ZNF407: variants seen among roughly 807,000 people sequenced by gnomAD.
ZNF407 encodes zinc finger protein 407.
In ZNF407, 17 loss-of-function variants were observed where a neutral mutation model predicts 131.2. That is an observed-to-expected ratio of 0.13 (90% confidence interval 0.09 to 0.19). The LOEUF (loss-of-function observed/expected upper bound fraction) is 0.19, where lower values mean the gene tolerates loss of function less well. Ranked by LOEUF, ZNF407 falls within the 10% of genes least tolerant of loss-of-function variation. The pLI, the probability that ZNF407 is intolerant of heterozygous loss-of-function variation, is 1.00. For synonymous variants in ZNF407, 1,156 were observed against 1,062.0 expected (o/e 1.09, Z -1.72); for missense variants, 2,681 against 2,830.6 (o/e 0.95, Z 1.20).
intron 3 of ZNF407, among the ~76,000 whole-genome samples, chr18:74,672,868 C>T (rs1488198631): frequency 6.6e-6 from 1 of 151,980 alleles, no homozygotes; most frequent in African/African-American, 2.4e-5. Flanking sequence ...ATTTGTGCTC[C>T]CTACCCATTA....
intron 4 of ZNF407, among the ~76,000 whole-genome samples, chr18:74,831,164 C>T (rs903195774): frequency 6.6e-6 from 1 of 152,050 alleles, no homozygotes; most frequent in Non-Finnish European, 1.5e-5. Context: ...TTTTCCTTAT[C>T]CGTTCTTCTG....
At position 75,063,698 on chromosome 18, in the gene ZNF407, C is replaced by T; in HGVS notation, c.5977C>T (p.Leu1993Phe). The T allele has an allele frequency of 6.2e-7, 1 of 1,612,070 alleles. No individual in the cohort carries two copies. Among genetic ancestry groups the T allele is most frequent in the Non-Finnish European group, 8.5e-7 (1 of 1,179,626 alleles). ...PEASSALDAL[L>F]CAVTELGEVE... ...GGCATCCTCAGCCCTGGATGCATTG[C>T]TCTGTGCGGTCACTGAATTAGGGGA... The change falls in exon 9 of 9, where the codon CTC becomes TTC. Residue 1993 changes from leucine (L) to phenylalanine (F), a missense_variant. Leu to Phe is a conservative substitution (Grantham distance 22). Transcript: ENST00000299687. The surrounding 1 kb of genome is among the most constrained non-coding windows in gnomAD (Gnocchi z 6.6).
intron 8 of ZNF407, among the ~76,000 whole-genome samples, chr18:74,962,641 G>C (rs553479886): frequency 6.6e-6 from 1 of 152,256 alleles, no homozygotes; most frequent in South Asian, 2.1e-4. Flanking sequence ...TCCATGTCTC[G>C]TCTCCTAAGG....
chr18:74,885,162 A>T (rs370677030), intron 6 of ZNF407, among the ~76,000 whole-genome samples: 2 of 152,196 alleles, frequency 1.3e-5, no homozygotes, highest in Non-Finnish European at 2.9e-5. Flanking sequence ...TACAGCAACC[A>T]TAATCATAAT....
At chr18:75,043,547 T>G (rs541386989) in intron 8 of ZNF407, among the ~76,000 whole-genome samples, 1 of 152,344 alleles carries the variant, frequency 6.6e-6, no homozygotes, top group Non-Finnish European at 1.5e-5. Flanking sequence ...TTGCTATGGC[T>G]TCTGCACCAA....
At chr18:74,608,245 G>T (rs1982895456) in intron 1 of ZNF407, among the ~76,000 whole-genome samples, 1 of 152,112 alleles carries the variant, frequency 6.6e-6, no homozygotes, top group Non-Finnish European at 1.5e-5. Context: ...TTAACCAATG[G>T]TTCCATTGAT....
At chr18:74,920,811 TC>T in intron 8 of ZNF407, 119 bp downstream of exon 8, 2 of 1,354,858 alleles carry the variant, frequency 1.5e-6, no homozygotes, top group Non-Finnish European at 1.9e-6. Flanking sequence ...TGTGATAGTA[TC>T]TGCTTCAAGA....
intron 3 of ZNF407, among the ~76,000 whole-genome samples, chr18:74,755,753 C>CTTTCTTTCTTTCTTTCTTTCTTTCTT (rs1968932431): frequency 1.7e-5 from 2 of 117,814 alleles, no homozygotes; most frequent in Non-Finnish European, 3.3e-5. Flanking sequence ...TTCTTTCTTT[C>CTTTCTTTCTTTCTTTCTTTCTTTCTT]TTTCTTTCTT....
intron 3 of ZNF407, among the ~76,000 whole-genome samples, chr18:74,698,801 G>A (rs927685072): frequency 6.6e-6 from 1 of 152,234 alleles, no homozygotes; most frequent in East Asian, 1.9e-4. Flanking sequence ...CTGAGTAGCC[G>A]GGGGAGGTAT....
chr18:74,941,193 G>C (rs1014805790), intron 8 of ZNF407, among the ~76,000 whole-genome samples: 1 of 152,208 alleles, frequency 6.6e-6, no homozygotes, highest in Non-Finnish European at 1.5e-5. Context: ...AGTGGTTTCT[G>C]TAATGTACTT....
chr18:74,869,796 G>A (rs896791883), intron 4 of ZNF407, among the ~76,000 whole-genome samples: 9 of 152,196 alleles, frequency 5.9e-5, no homozygotes, highest in Admixed American at 2.0e-4. Context: ...TACAACAGCA[G>A]AGTTAAGTAG....
At chr18:74,835,277 C>A (rs1970539575) in intron 4 of ZNF407, among the ~76,000 whole-genome samples, 2 of 152,208 alleles carry the variant, frequency 1.3e-5, no homozygotes, top group African/African-American at 4.8e-5. Context: ...ATAGTTTAAA[C>A]TGATTTTCCT....
chr18:74,810,692 C>T (rs1050039947), intron 4 of ZNF407, among the ~76,000 whole-genome samples: 8 of 151,908 alleles, frequency 5.3e-5, no homozygotes, highest in African/African-American at 1.2e-4. Context: ...TCAGAAATAT[C>T]GCCGCATATC....
intron 3 of ZNF407, among the ~76,000 whole-genome samples, chr18:74,659,121 T>G (rs1171576277): frequency 2.0e-5 from 3 of 152,120 alleles, no homozygotes; most frequent in African/African-American, 7.2e-5. Context: ...TTAATACTGG[T>G]GTGTTTTGGG....
intron 8 of ZNF407, among the ~76,000 whole-genome samples, chr18:75,023,652 G>C (rs1188584151): frequency 6.6e-6 from 1 of 152,150 alleles, no homozygotes. Flanking sequence ...CAGGAAGTCA[G>C]CTTTCTCTAA....
intron 8 of ZNF407, among the ~76,000 whole-genome samples, chr18:75,011,204 C>T (rs1301534324): frequency 6.6e-5 from 10 of 152,208 alleles, no homozygotes; most frequent in African/African-American, 2.4e-5. Flanking sequence ...AACACAAACA[C>T]GAATAAAGAA....
intron 7 of ZNF407, chr18:74,905,967 G>A (rs1488579554): frequency 6.6e-6 from 1 of 152,410 alleles, no homozygotes; most frequent in Non-Finnish European, 1.5e-5. Context: ...TCTGTATGTA[G>A]TGTAATAGTG....
At chr18:75,002,464 G>A (rs17056137) in intron 8 of ZNF407, among the ~76,000 whole-genome samples, 1 of 152,194 alleles carries the variant, frequency 6.6e-6, no homozygotes, top group South Asian at 2.1e-4. Context: ...AGCAGGACCC[G>A]GGATGACTCA....
chr18:74,776,658 A>G (rs957053295), intron 3 of ZNF407, among the ~76,000 whole-genome samples: 2 of 152,156 alleles, frequency 1.3e-5, no homozygotes, highest in Non-Finnish European at 2.9e-5. Context: ...TGTTTGGCAC[A>G]AGAGAAACAC....
Sources: gnomAD v4.1 joint callset for allele counts (sites outside exome capture counted in the v4.1 genomes callset) on GRCh38, gnomAD v4.1.1 for gene constraint, Gnocchi (gnomAD v3.1) non-coding constraint, MANE v1.5 for transcripts, NCBI Gene and HGNC (gene_info 2026-07-23, HGNC 2026-07-21) for gene names.